Variants in GOLM2 observed in about 807,000 individuals in gnomAD.
The protein encoded by GOLM2 is protein GOLM2.
GOLM2 carries 26 observed loss-of-function variants against 55.9 expected under a neutral mutation model. That is an observed-to-expected ratio of 0.47 (90% CI 0.34 to 0.65). The LOEUF (loss-of-function observed/expected upper bound fraction) is 0.65, where lower values mean the gene tolerates loss of function less well. Ranked by LOEUF, GOLM2 falls within the 30% of genes least tolerant of loss-of-function variation. The probability of loss-of-function intolerance (pLI) is 0.01; values close to 1 mark genes in which losing one functional copy is unlikely to be tolerated. For missense variants in GOLM2, 486 were observed against 531.8 expected (o/e 0.91, Z 0.85); for synonymous variants, 165 against 194.6 (o/e 0.85, Z 1.27).
At chr15:44,343,364 T>C (rs1016423661) in intron 6 of GOLM2, among the ~76,000 whole-genome samples, 11 of 151,974 alleles carry the variant, frequency 7.2e-5, no homozygotes, top group Middle Eastern at 3.4e-3. Context: ...TATTATTTCA[T>C]GTAATTGTAG....
At chr15:44,350,380 G>T (rs1315746230) in intron 6 of GOLM2, among the ~76,000 whole-genome samples, 2 of 152,060 alleles carry the variant, frequency 1.3e-5, no homozygotes, top group Admixed American at 1.3e-4. Flanking sequence ...TAGAAGAAAG[G>T]GTTAAATTCC....
intron 9 of GOLM2, among the ~76,000 whole-genome samples, chr15:44,410,155 T>A (rs1456251259): frequency 6.6e-6 from 1 of 151,354 alleles, no homozygotes. Flanking sequence ...AAAACAAAGA[T>A]AGGCTGGGCG....
chr15:44,309,070 A>C (rs1476125847), intron 1 of GOLM2, among the ~76,000 whole-genome samples: 2 of 152,202 alleles, frequency 1.3e-5, no homozygotes, highest in South Asian at 2.1e-4. Flanking sequence ...GGGAAATGCA[A>C]ATCAAAACTA....
chr15:44,382,272 A>G (rs527704536), intron 8 of GOLM2: 1 of 152,252 alleles, frequency 6.6e-6, no homozygotes, highest in East Asian at 1.9e-4. Context: ...TAACAAATAA[A>G]ATATCTTAAT....
chr15:44,366,219 C>T (rs1488222183), intron 6 of GOLM2, among the ~76,000 whole-genome samples: 2 of 151,140 alleles, frequency 1.3e-5, no homozygotes, highest in Non-Finnish European at 2.9e-5. Flanking sequence ...ATGGCGTGAA[C>T]CCAGGAGGCG....
chr15:44,297,750 G>C (rs2078767061), intron 1 of GOLM2, among the ~76,000 whole-genome samples: 2 of 149,976 alleles, frequency 1.3e-5, no homozygotes, highest in African/African-American at 4.9e-5. Context: ...TTTGAGTAGA[G>C]AAGGGGTTTC....
intron 3 of GOLM2, among the ~76,000 whole-genome samples, chr15:44,329,974 G>A (rs1428068093): frequency 2.0e-5 from 3 of 148,104 alleles, no homozygotes; most frequent in Non-Finnish European, 3.0e-5. Flanking sequence ...GCAGTGGCGC[G>A]ATCTTGGCTC....
chr15:44,305,558 A>G (rs1335860973), intron 1 of GOLM2, among the ~76,000 whole-genome samples: 10 of 152,120 alleles, frequency 6.6e-5, no homozygotes. Context: ...TCTGTCTCTC[A>G]AAGTGCTGAG....
intron 6 of GOLM2, among the ~76,000 whole-genome samples, chr15:44,363,608 A>T (rs150845795): frequency 6.6e-6 from 1 of 152,228 alleles, no homozygotes; most frequent in Non-Finnish European, 1.5e-5. Flanking sequence ...ACTGTAAACT[A>T]GTTCAACCAT....
chr15:44,360,482 C>T (rs1053240505), intron 6 of GOLM2, among the ~76,000 whole-genome samples: 4 of 152,152 alleles, frequency 2.6e-5, no homozygotes, highest in Non-Finnish European at 4.4e-5. Flanking sequence ...GTAAAGGGAT[C>T]GATTCAACAA....
At chr15:44,408,217 T>A (rs1008521809) in intron 9 of GOLM2, among the ~76,000 whole-genome samples, 2 of 152,242 alleles carry the variant, frequency 1.3e-5, no homozygotes, top group African/African-American at 4.8e-5. Context: ...TATTAGTTCT[T>A]ATAATTATAT....
intron 9 of GOLM2, 170 bp downstream of exon 9, chr15:44,403,224 G>A (rs981141526): frequency 2.8e-5 from 19 of 667,796 alleles, no homozygotes; most frequent in Admixed American, 2.4e-5. Flanking sequence ...GTCCAATGGT[G>A]CGATCTTGGC....
chr15:44,323,691 T>TA (rs2078965560), intron 2 of GOLM2, among the ~76,000 whole-genome samples: 1 of 152,090 alleles, frequency 6.6e-6, no homozygotes, highest in Non-Finnish European at 1.5e-5. Flanking sequence ...TACTGTATTT[T>TA]AAAATTTTGC....
chr15:44,296,712 C>G (rs2141106169), intron 1 of GOLM2, among the ~76,000 whole-genome samples: 1 of 152,288 alleles, frequency 6.6e-6, no homozygotes, highest in African/African-American at 2.4e-5. Flanking sequence ...GGTCCCAGCC[C>G]TAGCCTACCT....
intron 6 of GOLM2, among the ~76,000 whole-genome samples, chr15:44,349,732 A>G (rs1310950759): frequency 1.3e-5 from 2 of 152,242 alleles, no homozygotes; most frequent in Non-Finnish European, 2.9e-5. Flanking sequence ...GGTAGAGGCC[A>G]TATGTTAGAC....
At chr15:44,399,311 T>A (rs964136166) in intron 8 of GOLM2, among the ~76,000 whole-genome samples, 7 of 152,244 alleles carry the variant, frequency 4.6e-5, no homozygotes, top group Non-Finnish European at 8.8e-5. Flanking sequence ...GTTGGTTCTG[T>A]GTTTTTCAAC....
At chr15:44,388,076 C>T (rs1210589050) in intron 8 of GOLM2, among the ~76,000 whole-genome samples, 3 of 150,132 alleles carry the variant, frequency 2.0e-5, no homozygotes, top group African/African-American at 7.3e-5. Flanking sequence ...TCAAGTGATT[C>T]TCCCACCTGG....
rs1176242677 is a variant in GOLM2 at position 44,415,127 on chromosome 15, C to A, written c.*1721C>A. On this transcript the variant is annotated 3_prime_UTR_variant, in exon 10 of 10. Coordinates refer to ENST00000299957, the MANE Select transcript of GOLM2 (RefSeq NM_138423.4). ...TGCTGAGGTGCAAAAATTCTTAAGA[C>A]TTCTGTTTGAAATTGCTCAATGACT... The A allele has an allele frequency of 2.0e-5, 3 of 152,450 alleles. No homozygotes were observed. The highest frequency in any genetic ancestry group is 7.2e-5 in the African/African-American group (3 of 41,428). 9.4% of individuals were successfully genotyped at this position (152,450 alleles called of 1,614,324 possible).
chr15:44,360,566 AC>A (rs1421927273), intron 6 of GOLM2, among the ~76,000 whole-genome samples: 2 of 152,186 alleles, frequency 1.3e-5, no homozygotes, highest in Non-Finnish European at 2.9e-5. Flanking sequence ...GTCCTGAGTG[AC>A]CTACAAAGAG....
Sources: gnomAD v4.1 joint callset for allele counts (sites outside exome capture counted in the v4.1 genomes callset) on GRCh38, gnomAD v4.1.1 for gene constraint, MANE v1.5 for transcripts, NCBI Gene and HGNC (gene_info 2026-07-23, HGNC 2026-07-21) for gene names.